C10orf143: variants seen among roughly 807,000 people sequenced by gnomAD.
C10orf143 encodes chromosome 10 open reading frame 143, also known as uncharacterized protein C10orf143.
intron 1 of C10orf143, among the ~76,000 whole-genome samples, chr10:130,102,277 C>T (rs200202618): frequency 9.6e-5 from 2 of 20,792 alleles, no homozygotes; most frequent in Non-Finnish European, 2.6e-4. Context: ...GTTTGATATT[C>T]GTTTATTATT....
At chr10:130,080,899 C>T (rs939126184) in intron 1 of C10orf143, among the ~76,000 whole-genome samples, 7 of 152,148 alleles carry the variant, frequency 4.6e-5, no homozygotes, top group Admixed American at 4.6e-4. Flanking sequence ...ATTCTCATTA[C>T]TGTATAGTTC....
At chr10:130,043,601 A>G (rs76168591) in intron 3 of C10orf143, among the ~76,000 whole-genome samples, 237 of 152,252 alleles carry the variant, frequency 1.6e-3, no homozygotes, top group African/African-American at 5.5e-3. Context: ...CGCCCAGACC[A>G]AGGGGCAGGT....
intron 1 of C10orf143, among the ~76,000 whole-genome samples, chr10:130,109,623 A>G (rs1231137332): frequency 6.6e-6 from 1 of 152,128 alleles, no homozygotes; most frequent in African/African-American, 2.4e-5. Flanking sequence ...TTACTGGGGT[A>G]ACCTGCACCC....
chr10:130,100,131 C>T (rs1289229527), intron 1 of C10orf143, among the ~76,000 whole-genome samples: 3 of 151,934 alleles, frequency 2.0e-5, no homozygotes, highest in African/African-American at 4.8e-5. Flanking sequence ...CCACCGCGCC[C>T]GGGCTTCATT....
At chr10:130,045,895 C>T (rs1445509212) in intron 3 of C10orf143, among the ~76,000 whole-genome samples, 2 of 152,174 alleles carry the variant, frequency 1.3e-5, no homozygotes, top group African/African-American at 4.8e-5. Flanking sequence ...GGAGAACGTG[C>T]CTGCCACGTG....
chr10:130,078,660 C>T (rs917504773), intron 3 of C10orf143, among the ~76,000 whole-genome samples: 1 of 152,184 alleles, frequency 6.6e-6, no homozygotes, highest in African/African-American at 2.4e-5. Context: ...TTCACCCTGT[C>T]ATCAGACACG....
chr10:130,109,782 T>TA (rs1025208929), intron 1 of C10orf143, among the ~76,000 whole-genome samples: 6 of 151,382 alleles, frequency 4.0e-5, no homozygotes, highest in African/African-American at 1.2e-4. Flanking sequence ...TAAAGACATC[T>TA]AAAAAAATGC....
At chr10:130,050,141 G>A (rs1860719984) in intron 3 of C10orf143, among the ~76,000 whole-genome samples, 2 of 152,250 alleles carry the variant, frequency 1.3e-5, no homozygotes, top group Admixed American at 6.5e-5. Context: ...CCGCCTGGGC[G>A]AGACATTCCT....
chr10:130,080,470 G>C (rs1469659036), intron 1 of C10orf143, among the ~76,000 whole-genome samples: 2 of 152,060 alleles, frequency 1.3e-5, no homozygotes, highest in Non-Finnish European at 2.9e-5. Context: ...TAATGCTAAA[G>C]AAAAAAAGTA....
intron 1 of C10orf143, chr10:130,108,092 G>A (rs779702685): frequency 6.6e-7 from 1 of 1,507,464 alleles, no homozygotes; most frequent in Non-Finnish European, 9.2e-7. Context: ...TGCTGAAAAT[G>A]CAGCAACTGG....
intron 3 of C10orf143, among the ~76,000 whole-genome samples, chr10:130,042,050 TAC>T (rs1187396756): frequency 6.6e-6 from 1 of 152,052 alleles, no homozygotes; most frequent in African/African-American, 2.4e-5. Context: ...TGCACTTGTG[TAC>T]ACACGTGCAC....
intron 3 of C10orf143, among the ~76,000 whole-genome samples, chr10:130,044,752 A>G (rs1167694803): frequency 6.6e-6 from 1 of 152,120 alleles, no homozygotes; most frequent in Non-Finnish European, 1.5e-5. Context: ...TCAACGGACC[A>G]CTTGTCAGCC....
At chr10:130,103,671 G>A (rs571026255) in intron 1 of C10orf143, among the ~76,000 whole-genome samples, 3 of 151,856 alleles carry the variant, frequency 2.0e-5, no homozygotes, top group South Asian at 4.2e-4. Context: ...TTAGCTGGGC[G>A]TGGTGATGCT....
chr10:130,108,283 T>G, intron 1 of C10orf143: 13 of 1,572,434 alleles, frequency 8.3e-6, no homozygotes, highest in Non-Finnish European at 1.1e-5. Flanking sequence ...ATGCTCCGTT[T>G]GCAATGAGAA....
chr10:130,108,386 C>G (rs1168474177), intron 1 of C10orf143: 2 of 1,053,782 alleles, frequency 1.9e-6, no homozygotes, highest in Non-Finnish European at 3.0e-6. Context: ...AAGTGAGTTC[C>G]CTTCAGGGCT....
At chr10:130,059,258 A>G (rs997390491), downstream of C10orf143, among the ~76,000 whole-genome samples, 4 of 152,224 alleles carry the variant, frequency 2.6e-5, no homozygotes, top group Admixed American at 1.3e-4. Context: ...CAAGGCTAGA[A>G]GCCAGCAAAA....
chr10:130,091,670 A>C (rs1427592831), intron 1 of C10orf143, among the ~76,000 whole-genome samples: 2 of 152,342 alleles, frequency 1.3e-5, no homozygotes, highest in East Asian at 3.9e-4. Flanking sequence ...AGAACCTTGA[A>C]AAAAGTTAGA....
At chr10:130,052,417 G>A (rs1184646324) in intron 3 of C10orf143, among the ~76,000 whole-genome samples, 3 of 152,054 alleles carry the variant, frequency 2.0e-5, no homozygotes, top group East Asian at 1.9e-4. Flanking sequence ...CATGGGAGCC[G>A]GGAGCACCAA....
At position 130,108,200 on chromosome 10, in the gene C10orf143, C is replaced by A. The variant is rs764801406; in HGVS notation, c.69+2504G>T. 2.6e-6 allele frequency: 4 copies of A among 1,561,342 alleles called. No homozygotes were observed. The South Asian group carries it at 4.4e-5, about 17-fold the overall frequency. ...CATGAGAAGAGCACCTCCTTTCCCC[C>A]CACCTCCTCCAGGAACCAGGTTTGG... On this transcript the variant is annotated intron_variant, in intron 1 of 3. Coordinates refer to ENST00000637128, the MANE Select transcript of C10orf143 (RefSeq NM_001355042.2).
Sources: allele counts gnomAD v4.1 joint callset (sites outside exome capture counted in the v4.1 genomes callset), GRCh38; gene constraint gnomAD v4.1.1; transcripts MANE v1.5; gene names NCBI Gene and HGNC (gene_info 2026-07-23, HGNC 2026-07-21).